SPAG16: variants seen among roughly 807,000 people sequenced by gnomAD.
SPAG16 encodes sperm-associated antigen 16 protein.
SPAG16 carries 86 observed loss-of-function variants against 80.4 expected under a neutral mutation model. That is an observed-to-expected ratio of 1.07 (90% CI 0.90 to 1.28). The LOEUF is 1.28. SPAG16 is among the 50% of genes most tolerant of loss of function. SPAG16 has a pLI of 0.00. For missense variants in SPAG16, 870 were observed against 765.3 expected (o/e 1.14, Z -1.61); for synonymous variants, 294 against 265.9 (o/e 1.11, Z -1.03).
intron 10 of SPAG16, among the ~76,000 whole-genome samples, chr2:213,760,816 A>T (rs1352757358): frequency 1.3e-5 from 2 of 152,244 alleles, no homozygotes; most frequent in Non-Finnish European, 2.9e-5. Flanking sequence ...GGAATCCAGA[A>T]GCATGGTGCC....
intron 15 of SPAG16, among the ~76,000 whole-genome samples, chr2:214,195,597 G>C (rs937941242): frequency 6.6e-6 from 1 of 151,976 alleles, no homozygotes. Flanking sequence ...TGGGAGTGCA[G>C]AGGTGAGTAA....
rs1383587790 is a variant in SPAG16 at position 213,342,283 on chromosome 2, A to ATATG, written c.644+2014_644+2015insATGT. Among the ~76,000 whole-genome samples, 1,313 of 148,660 alleles carry ATATG rather than the reference A, an allele frequency of 8.8e-3. 23 individuals are homozygous for ATATG. Among genetic ancestry groups the ATATG allele is most frequent in the African/African-American group, 0.03 (1,222 of 40,738 alleles). ...CAAAGTGTATATATATTACATACATATGTATATATATATGACATATGTGTA... is the reference window on the plus strand; with the variant it reads ...CAAAGTGTATATATATTACATACATATATGTGTATATATATATGACATATGTGTA... On this transcript the variant is annotated intron_variant, in intron 6 of 15. Transcript: ENST00000331683.
At chr2:213,443,149 AGTT>A (rs996428789) in intron 9 of SPAG16, among the ~76,000 whole-genome samples, 2 of 152,180 alleles carry the variant, frequency 1.3e-5, no homozygotes, top group African/African-American at 4.8e-5. Flanking sequence ...CACCTTCCAT[AGTT>A]ACCTTTATAT....
chr2:213,317,291 T>A lies in SPAG16; in HGVS notation c.471T>A (p.Ile157=). Residue 157 remains isoleucine, a synonymous_variant, in exon 5 of 16, where the codon ATT becomes ATA. Coordinates refer to ENST00000331683, the MANE Select transcript of SPAG16 (RefSeq NM_024532.5). ...ATGTTCCAGATGTCTACACCCAGAT[T>A]ATGCTTTTGGAAAATGAGAACAAAA... is the stretch of plus-strand genomic sequence containing the variant. The part of the protein sequence containing the change: ...VGNVPDVYTQ[I]MLLENENKNL... 6.2e-7 allele frequency: 1 copy of A among 1,611,506 alleles called. No homozygotes were observed.
intron 15 of SPAG16, among the ~76,000 whole-genome samples, chr2:214,328,228 T>G (rs1045090748): frequency 1.3e-5 from 2 of 152,026 alleles, no homozygotes; most frequent in African/African-American, 4.8e-5. Context: ...CGATCTTGGC[T>G]CACTGCAACC....
In SPAG16 at chr2:213,649,228, G is replaced by A. The variant is rs543159653; in HGVS notation, c.1070+159138G>A. Among the ~76,000 whole-genome samples the A allele has an allele frequency of 2.6e-5, 4 of 152,318 alleles. No individual in the cohort carries two copies. In the South Asian group the frequency reaches 8.3e-4, roughly 32 times the overall value. ...TTTTGTGACACCTGACCTACTAACAGTTGGCAGGATTGATTAGAGAGGAGA... is the reference window on the plus strand; with the variant it reads ...TTTTGTGACACCTGACCTACTAACAATTGGCAGGATTGATTAGAGAGGAGA... On this transcript the variant is annotated intron_variant, in intron 10 of 15. Coordinates refer to ENST00000331683, the MANE Select transcript of SPAG16 (RefSeq NM_024532.5).
chr2:213,869,291 A>ATGTG (rs200943580), intron 11 of SPAG16, among the ~76,000 whole-genome samples: 1,367 of 122,980 alleles, frequency 0.011, 101 homozygotes, highest in Admixed American at 0.019. Flanking sequence ...GTATATATAT[A>ATGTG]TGTATATATA....
At chr2:213,572,994 C>T (rs895638814) in intron 10 of SPAG16, among the ~76,000 whole-genome samples, 3 of 152,218 alleles carry the variant, frequency 2.0e-5, no homozygotes, top group East Asian at 1.9e-4. Flanking sequence ...GGGAGTGACC[C>T]GATTTTCCAG....
At position 214,338,760 on chromosome 2, in the gene SPAG16, A is replaced by G. The variant is rs551839362; in HGVS notation, c.1721-71380A>G. Among the ~76,000 whole-genome samples, 8 of 152,324 alleles carry G rather than the reference A, an allele frequency of 5.3e-5. No individual in the cohort carries two copies. The East Asian group carries it at 1.2e-3, about 22-fold the overall frequency. ...AGAAATACTGTAACATATTTCAAGAATGTCTATAATTATCTGAAATCCTAA... is the reference window on the plus strand; with the variant it reads ...AGAAATACTGTAACATATTTCAAGAGTGTCTATAATTATCTGAAATCCTAA... On this transcript the variant is annotated intron_variant, in intron 15 of 15. Coordinates refer to ENST00000331683, the MANE Select transcript of SPAG16 (RefSeq NM_024532.5).
chr2:213,403,773 G>T (rs989021764), intron 9 of SPAG16, among the ~76,000 whole-genome samples: 1 of 152,196 alleles, frequency 6.6e-6, no homozygotes, highest in East Asian at 1.9e-4. Context: ...AATTGTCCCT[G>T]TTTGCAGATG....
intron 10 of SPAG16, among the ~76,000 whole-genome samples, chr2:213,664,569 G>C (rs2063536561): frequency 6.6e-6 from 1 of 152,072 alleles, no homozygotes; most frequent in Non-Finnish European, 1.5e-5. Flanking sequence ...TTCTTTGAAA[G>C]TGTCATGTTT....
chr2:213,998,505 C>T (rs997947336), intron 12 of SPAG16, among the ~76,000 whole-genome samples: 58 of 152,172 alleles, frequency 3.8e-4, no homozygotes, highest in Middle Eastern at 3.2e-3. Flanking sequence ...ACTCTAAGTC[C>T]AATAAACCTT....
rs36059669 is a variant in SPAG16 at position 213,620,281 on chromosome 2, G to GTTTTTTTTTT, written c.1070+130211_1070+130220dup. Among the ~76,000 whole-genome samples the GTTTTTTTTTT allele has an allele frequency of 1.3e-4, 11 of 82,822 alleles. 1 individual carries two copies. The highest frequency in any genetic ancestry group is 5.8e-4 in the African/African-American group (11 of 18,968). The allele number at this position is 82,822 out of a possible 152,430, so 54.3% of individuals were successfully genotyped here. A position where few individuals can be genotyped will look rare whatever the true frequency, so the allele number is the denominator to read the frequency against. ...AATGTAGTTAACAATAATTTATTGA[G>GTTTTTTTTTT]TTTTTTTTTTTTTTTTTTTTTTTTT... On this transcript the variant is annotated intron_variant, in intron 10 of 15. Coordinates refer to ENST00000331683, the MANE Select transcript of SPAG16 (RefSeq NM_024532.5).
At chr2:213,950,702 CTT>C (rs59353089) in intron 12 of SPAG16, among the ~76,000 whole-genome samples, 1,091 of 99,648 alleles carry the variant, frequency 0.011, 28 homozygotes, top group East Asian at 0.043. Context: ...TTTTTTCTTT[CTT>C]TTTTTTTTTT....
intron 12 of SPAG16, among the ~76,000 whole-genome samples, chr2:213,993,598 C>A (rs1017765727): frequency 6.6e-6 from 1 of 152,060 alleles, no homozygotes. Flanking sequence ...AATACTGACT[C>A]CATAAATATC....
chr2:213,982,067 A>G lies in SPAG16; in HGVS notation c.1401-31884A>G, dbSNP rs79515104. Among the ~76,000 whole-genome samples, 81 of 151,960 alleles carry G rather than the reference A, an allele frequency of 5.3e-4. No individual in the cohort carries two copies. In the East Asian group the frequency reaches 0.014, roughly 27 times the overall value. On this transcript the variant is annotated intron_variant, in intron 12 of 15. Transcript: ENST00000331683. ...CTGATATATGTTATAGATGAACTGT[A>G]ACAAATATGTCCTTAGTGAAATATA...
chr2:213,493,645 G>C (rs1463679377), intron 10 of SPAG16, among the ~76,000 whole-genome samples: 1 of 151,716 alleles, frequency 6.6e-6, no homozygotes, highest in Non-Finnish European at 1.5e-5. Flanking sequence ...GTGTGATCTC[G>C]GCTCACTGCA....
At chr2:213,947,715 G>A (rs2079536990) in intron 12 of SPAG16, among the ~76,000 whole-genome samples, 1 of 152,066 alleles carries the variant, frequency 6.6e-6, no homozygotes, top group South Asian at 2.1e-4. Context: ...TTCGAGAAAG[G>A]CACAGAAACA....
At chr2:213,813,700 G>C (rs1461611183) in intron 10 of SPAG16, among the ~76,000 whole-genome samples, 1 of 152,112 alleles carries the variant, frequency 6.6e-6, no homozygotes, top group African/African-American at 2.4e-5. Flanking sequence ...GCTGCTACTG[G>C]AGAAGGAACT....
Sources: allele counts gnomAD v4.1 joint callset (sites outside exome capture counted in the v4.1 genomes callset), GRCh38; gene constraint gnomAD v4.1.1; transcripts MANE v1.5; gene names NCBI Gene and HGNC (gene_info 2026-07-23, HGNC 2026-07-21).